FLT3: variants seen among roughly 807,000 people sequenced by gnomAD.
FLT3 encodes receptor-type tyrosine-protein kinase FLT3.
In FLT3, 46 loss-of-function variants were observed where a neutral mutation model predicts 126.6. That is an observed-to-expected ratio of 0.36 (90% CI 0.29 to 0.46). The LOEUF is 0.46. FLT3 is among the 20% of genes least tolerant of loss of function. The pLI is 1.00. For synonymous variants in FLT3, 404 were observed against 434.4 expected (o/e 0.93, Z 0.87); for missense variants, 1,069 against 1,190.3 (o/e 0.90, Z 1.50).
intron 3 of FLT3, among the ~76,000 whole-genome samples, chr13:28,061,381 A>T (rs1876545966): frequency 6.6e-6 from 1 of 151,646 alleles, no homozygotes; most frequent in Admixed American, 6.6e-5. Context: ...TGTGTTATAC[A>T]TCCTATGAGA....
At chr13:28,029,520 A>G (rs140179442) in intron 15 of FLT3, among the ~76,000 whole-genome samples, 26 of 152,350 alleles carry the variant, frequency 1.7e-4, no homozygotes, top group Non-Finnish European at 3.7e-4. Flanking sequence ...CCTCAAAACA[A>G]ACAAACAAAA....
intron 17 of FLT3, among the ~76,000 whole-genome samples, chr13:28,026,882 A>G (rs1210911703): frequency 6.6e-6 from 1 of 152,234 alleles, no homozygotes; most frequent in East Asian, 1.9e-4. Flanking sequence ...AGACTAGCTC[A>G]GCTATAGTAC....
chr13:28,047,925 T>C (rs141840887), intron 9 of FLT3, among the ~76,000 whole-genome samples: 53 of 152,208 alleles, frequency 3.5e-4, no homozygotes. Context: ...ACTTCCTCAA[T>C]CATCTGCAAA....
At chr13:28,076,998 A>T (rs1342861125) in intron 1 of FLT3, among the ~76,000 whole-genome samples, 1 of 146,180 alleles carries the variant, frequency 6.8e-6, no homozygotes, top group African/African-American at 2.6e-5. Context: ...GAAGAGACAG[A>T]CAGAAAGGAA....
chr13:28,099,089 A>G (rs961662447), intron 1 of FLT3, among the ~76,000 whole-genome samples: 1 of 151,358 alleles, frequency 6.6e-6, no homozygotes, highest in Non-Finnish European at 1.5e-5. Context: ...TGTGCCAATT[A>G]TACTTCATTT....
intron 19 of FLT3, among the ~76,000 whole-genome samples, chr13:28,022,178 C>T (rs1872453372): frequency 6.6e-6 from 1 of 152,124 alleles, no homozygotes; most frequent in African/African-American, 2.4e-5. Context: ...GCTGGAACTG[C>T]AGACACACAC....
At chr13:28,008,486 A>G (rs535674659) in intron 23 of FLT3, among the ~76,000 whole-genome samples, 9 of 151,536 alleles carry the variant, frequency 5.9e-5, no homozygotes, top group Non-Finnish European at 1.2e-4. Flanking sequence ...TTATTTATTT[A>G]TTTTTTGAGA....
intron 9 of FLT3, among the ~76,000 whole-genome samples, chr13:28,037,838 C>A (rs1381638801): frequency 6.6e-6 from 1 of 152,150 alleles, no homozygotes; most frequent in Non-Finnish European, 1.5e-5. Context: ...GATTAGATTC[C>A]CACAGGAGCG....
rs113796080 is a variant in FLT3, at chr13:28,033,541, G to A, written c.1942+346C>T. Among the ~76,000 whole-genome samples the A allele has an allele frequency of 9.0e-3, 1,371 of 152,268 alleles. 24 individuals carry two copies. Among genetic ancestry groups the A allele is most frequent in the African/African-American group, 0.031 (1,302 of 41,566 alleles). On this transcript the variant is annotated intron_variant, in intron 15 of 23. Transcript: ENST00000241453. ...TAGCTGAGCGTGGTGGTGCACGCCT[G>A]TAGCCCCAGCTGCTGAGGAGCCTGA...
intron 19 of FLT3, among the ~76,000 whole-genome samples, chr13:28,022,133 G>A (rs1314080924): frequency 1.3e-5 from 2 of 152,076 alleles, no homozygotes; most frequent in Non-Finnish European, 2.9e-5. Flanking sequence ...CAACTCCTGG[G>A]CTCAAGCAAT....
intron 17 of FLT3, 52 bp from the exon 18 acceptor site, chr13:28,024,995 A>G (rs1476374085): frequency 6.1e-6 from 6 of 987,262 alleles, no homozygotes; most frequent in African/African-American, 1.6e-5. Context: ...CTCAGCAGAC[A>G]TTTTATTTTA....
At chr13:28,089,274 C>G (rs1390067617) in intron 1 of FLT3, among the ~76,000 whole-genome samples, 1 of 152,180 alleles carries the variant, frequency 6.6e-6, no homozygotes, top group Non-Finnish European at 1.5e-5. Context: ...ATGGTACAAT[C>G]ACTTTGAAAA....
chr13:28,093,201 C>T (rs1270807616), intron 1 of FLT3, among the ~76,000 whole-genome samples: 1 of 151,448 alleles, frequency 6.6e-6, no homozygotes, highest in African/African-American at 2.4e-5. Flanking sequence ...GCTGGGATTA[C>T]AGGTGTTAGC....
chr13:28,063,988 C>T (rs1876794391), intron 2 of FLT3, among the ~76,000 whole-genome samples: 1 of 151,902 alleles, frequency 6.6e-6, no homozygotes, highest in Non-Finnish European at 1.5e-5. Context: ...AAATAATAGA[C>T]AAGTCAAGCA....
At chr13:28,008,893 T>C (rs1030928633) in intron 23 of FLT3, among the ~76,000 whole-genome samples, 15 of 152,228 alleles carry the variant, frequency 9.9e-5, no homozygotes, top group Admixed American at 2.0e-4. Context: ...TTAACAACTT[T>C]ATTTATTCTG....
chr13:28,047,890 T>C (rs1875045208), intron 9 of FLT3, among the ~76,000 whole-genome samples: 1 of 152,160 alleles, frequency 6.6e-6, no homozygotes, highest in African/African-American at 2.4e-5. Context: ...CTATGAGTAA[T>C]GTTTTTCTGT....
chr13:28,082,292 A>C (rs927642435), intron 1 of FLT3, among the ~76,000 whole-genome samples: 1 of 152,118 alleles, frequency 6.6e-6, no homozygotes, highest in Admixed American at 6.6e-5. Flanking sequence ...CTAGGACTAC[A>C]TGCACATACC....
intron 1 of FLT3, among the ~76,000 whole-genome samples, chr13:28,093,752 G>GACTCCAAATCCTAATGTCTTCAGACTT (rs1420705364): frequency 3.9e-5 from 6 of 152,124 alleles, no homozygotes. Context: ...CAGCCACTGT[G>GACTCCAAATCCTAATGTCTTCAGACTT]CATATTTCTA....
intron 5 of FLT3, among the ~76,000 whole-genome samples, 180 bp downstream of exon 5, chr13:28,052,365 G>T (rs1281396987): frequency 6.6e-6 from 1 of 152,104 alleles, no homozygotes; most frequent in Non-Finnish European, 1.5e-5. Flanking sequence ...CGAAATGCTG[G>T]GATTACAGGC....
Sources: allele counts gnomAD v4.1 joint callset (sites outside exome capture counted in the v4.1 genomes callset), GRCh38; gene constraint gnomAD v4.1.1; transcripts MANE v1.5; gene names NCBI Gene and HGNC (gene_info 2026-07-23, HGNC 2026-07-21).